The following FAM91A1 variants were observed in gnomAD, a reference collection of about 807,000 sequenced individuals.
The protein encoded by FAM91A1 is family with sequence similarity 91 member A1.
Under a neutral mutation model 113.5 loss-of-function variants are expected in FAM91A1, and 41 were observed. That is an observed-to-expected ratio of 0.36 (90% CI 0.28 to 0.47). FAM91A1 has a LOEUF of 0.47. FAM91A1 is among the 20% of genes least tolerant of loss of function. The pLI is 1.00. For synonymous variants in FAM91A1, 307 were observed against 347.9 expected (o/e 0.88, Z 1.31); for missense variants, 696 against 1,001.2 (o/e 0.70, Z 4.11).
chr8:123,780,388 A>G, intron 7 of FAM91A1, 92 bp from the exon 8 acceptor site: 1 of 973,528 alleles, frequency 1.0e-6, no homozygotes, highest in Non-Finnish European at 1.5e-6. Context: ...TTCATTTGTA[A>G]GAATCTTTAC....
chr8:123,775,309 A>C lies in FAM91A1; in HGVS notation c.309+11A>C, dbSNP rs202233843. The C allele has an allele frequency of 1.6e-4, 254 of 1,611,876 alleles. 1 individual carries two copies. Among genetic ancestry groups the C allele is most frequent in the Non-Finnish European group, 1.7e-4 (202 of 1,178,666 alleles). On this transcript the variant is annotated intron_variant, in intron 3 of 23. Transcript: ENST00000334705. ...ACTGGGATTATGGAGGTGAGTTTAC[A>C]GTGTGGGTGAGCCAGTGGGAATGGG...
intron 1 of FAM91A1, among the ~76,000 whole-genome samples, chr8:123,773,312 A>G (rs1241450870): frequency 6.6e-6 from 1 of 152,238 alleles, no homozygotes; most frequent in African/African-American, 2.4e-5. Context: ...CTTTCCTAAG[A>G]TGTCTAATTT....
chr8:123,792,851 G>T (rs926980807), intron 15 of FAM91A1, among the ~76,000 whole-genome samples: 4 of 152,112 alleles, frequency 2.6e-5, no homozygotes, highest in African/African-American at 7.2e-5. Context: ...ACTCCCTTCT[G>T]TTCACCTATG....
chr8:123,789,655 C>A lies in FAM91A1; in HGVS notation c.1321C>A (p.His441Asn). The change falls in exon 15 of 24, where the codon CAT becomes AAT. Residue 441 changes from histidine (H) to asparagine (N), a missense_variant. Physicochemically the swap from His to Asn is moderately conservative, Grantham distance 68. Coordinates refer to ENST00000334705, the MANE Select transcript of FAM91A1 (RefSeq NM_144963.4). The part of the protein sequence containing the change: ...GEGEAQRYFD[H>N]ALTLRNTILF... ...AGGAGAAGCACAGAGATATTTTGAT[C>A]ATGCACTTACTCTGAGAAACACAAT... 6.2e-7 allele frequency: 1 copy of A among 1,612,106 alleles called. No homozygotes were observed. Among genetic ancestry groups the A allele is most frequent in the South Asian group, 1.1e-5 (1 of 90,984 alleles).
intron 4 of FAM91A1, among the ~76,000 whole-genome samples, chr8:123,777,651 G>T (rs1302745053): frequency 6.6e-6 from 1 of 152,178 alleles, no homozygotes; most frequent in Non-Finnish European, 1.5e-5. Flanking sequence ...TTTTTGCAGG[G>T]TGACATACAG....
intron 4 of FAM91A1, 109 bp downstream of exon 4, chr8:123,777,431 T>C (rs1458303699): frequency 1.0e-6 from 1 of 984,580 alleles, no homozygotes; most frequent in Admixed American, 2.2e-5. Context: ...ATGTGAAAAA[T>C]GAGAACAGTA....
At chr8:123,779,362 A>G (rs1815063517) in intron 6 of FAM91A1, among the ~76,000 whole-genome samples, 1 of 152,170 alleles carries the variant, frequency 6.6e-6, no homozygotes, top group Admixed American at 6.5e-5. Flanking sequence ...CAAGATCAAG[A>G]GAGTTGATAT....
intron 22 of FAM91A1, among the ~76,000 whole-genome samples, chr8:123,809,698 T>C (rs1815904489): frequency 6.6e-6 from 1 of 152,214 alleles, no homozygotes; most frequent in African/African-American, 2.4e-5. Flanking sequence ...CAATAATTCA[T>C]TTAAATGGTG....
intron 8 of FAM91A1, among the ~76,000 whole-genome samples, chr8:123,781,180 A>G (rs1373021236): frequency 2.0e-5 from 3 of 152,074 alleles, no homozygotes; most frequent in Admixed American, 6.5e-5. Flanking sequence ...AGCACTTACT[A>G]TGTTCAGGTT....
At chr8:123,800,016 T>G in intron 18 of FAM91A1, 131 bp downstream of exon 18, 6 of 806,442 alleles carry the variant, frequency 7.4e-6, no homozygotes, top group South Asian at 2.1e-5. Context: ...AAATCAGAGA[T>G]ATGGATTTTA....
At chr8:123,781,401 C>T (rs1160582711) in intron 8 of FAM91A1, among the ~76,000 whole-genome samples, 2 of 151,652 alleles carry the variant, frequency 1.3e-5, no homozygotes, top group East Asian at 1.9e-4. Context: ...CATGCTGTAG[C>T]GTGTCCAGAC....
At chr8:123,802,539 T>A (rs928501237) in intron 18 of FAM91A1, among the ~76,000 whole-genome samples, 1 of 152,152 alleles carries the variant, frequency 6.6e-6, no homozygotes, top group Non-Finnish European at 1.5e-5. Context: ...AGCACATTTA[T>A]GGGGCAGATG....
chr8:123,788,276 C>T, intron 14 of FAM91A1: 5 of 973,108 alleles, frequency 5.1e-6, no homozygotes, highest in Non-Finnish European at 6.1e-6. Context: ...TTCCTTAGCT[C>T]TAAATAAATC....
chr8:123,793,957 G>A (rs1384714430), intron 15 of FAM91A1, among the ~76,000 whole-genome samples: 2 of 152,196 alleles, frequency 1.3e-5, no homozygotes, highest in Non-Finnish European at 2.9e-5. Context: ...AAAATCTGTT[G>A]TATGTTGAGT....
In FAM91A1 at chr8:123,777,317, C is replaced by T; in HGVS notation, c.362C>T (p.Ala121Val). ...SYDSLPNFTAADCLRLLGIGR... is the reference protein window; with the variant it reads ...SYDSLPNFTAVDCLRLLGIGR... ...GATTCATTGCCCAATTTTACTGCTGCTGACTGTAAGTATTTAATTGTGCTG... is the reference window on the plus strand; with the variant it reads ...GATTCATTGCCCAATTTTACTGCTGTTGACTGTAAGTATTTAATTGTGCTG... The change falls in exon 4 of 24, where the codon GCT (alanine) becomes GTT (valine). Residue 121 changes from alanine to valine, a missense_variant. By Grantham distance (64) the Ala-to-Val change is moderately conservative (BLOSUM62 0). Transcript: ENST00000334705. The T allele has an allele frequency of 6.2e-7, 1 of 1,611,642 alleles. No homozygotes were observed. The highest frequency in any genetic ancestry group is 8.5e-7 in the Non-Finnish European group (1 of 1,178,842).
intron 8 of FAM91A1, among the ~76,000 whole-genome samples, chr8:123,783,983 G>A (rs1815187782): frequency 6.6e-6 from 1 of 152,212 alleles, no homozygotes; most frequent in African/African-American, 2.4e-5. Flanking sequence ...TCCATTTTTA[G>A]GATGGAGTAG....
chr8:123,770,752 T>C (rs956550491), intron 1 of FAM91A1, among the ~76,000 whole-genome samples: 1 of 152,242 alleles, frequency 6.6e-6, no homozygotes. Context: ...AAAATAATCA[T>C]GGGACAGTTA....
At chr8:123,798,046 ACT>A (rs752001094) in intron 15 of FAM91A1, 42 bp from the exon 16 acceptor site, 4 of 1,532,470 alleles carry the variant, frequency 2.6e-6, no homozygotes, top group Non-Finnish European at 3.5e-6. Flanking sequence ...TTTGTTTCAC[ACT>A]CTCAGTCTTT....
chr8:123,781,280 T>C (rs775827917), intron 8 of FAM91A1, among the ~76,000 whole-genome samples: 3 of 152,162 alleles, frequency 2.0e-5, no homozygotes, highest in Non-Finnish European at 2.9e-5. Flanking sequence ...TGTAATCAAA[T>C]ATAAAGTGTC....
Sources: allele counts gnomAD v4.1 joint callset (sites outside exome capture counted in the v4.1 genomes callset), GRCh38; gene constraint gnomAD v4.1.1; transcripts MANE v1.5; gene names NCBI Gene and HGNC (gene_info 2026-07-23, HGNC 2026-07-21).